TENM2: variants seen among roughly 807,000 people sequenced by gnomAD.
The protein encoded by TENM2 is teneurin-2.
Under a neutral mutation model 245.2 loss-of-function variants are expected in TENM2, and 52 were observed. The observed-to-expected ratio is 0.21, with a 90% CI of 0.17 to 0.27. The LOEUF (loss-of-function observed/expected upper bound fraction) is 0.27, where lower values mean the gene tolerates loss of function less well. Among genes scored for constraint, TENM2 ranks in the 10% least tolerant of loss-of-function variants. The pLI is 1.00. For missense variants in TENM2, 3,046 were observed against 3,666.8 expected (o/e 0.83, Z 4.37); for synonymous variants, 1,363 against 1,438.9 (o/e 0.95, Z 1.19).
chr5:168,179,027 TG>T (rs1301585013), intron 13 of TENM2, among the ~76,000 whole-genome samples: 1 of 150,558 alleles, frequency 6.6e-6, no homozygotes, highest in Non-Finnish European at 1.5e-5. Context: ...CCCAGCTACT[TG>T]GGAGGCTGAG....
intron 2 of TENM2, among the ~76,000 whole-genome samples, chr5:167,620,582 G>GCT (rs1404190033): frequency 8.8e-6 from 1 of 114,242 alleles, no homozygotes; most frequent in Non-Finnish European, 1.7e-5. Flanking sequence ...CAAGAACTGA[G>GCT]CTCAAAATGT....
intron 5 of TENM2, among the ~76,000 whole-genome samples, chr5:168,036,700 T>TATATAC (rs70976458): frequency 1.1e-5 from 1 of 94,914 alleles, no homozygotes; most frequent in Non-Finnish European, 1.9e-5. Context: ...TATATATATA[T>TATATAC]GTATGTGTAT....
intron 12 of TENM2, among the ~76,000 whole-genome samples, chr5:168,127,649 A>G (rs1365144470): frequency 6.6e-6 from 1 of 152,214 alleles, no homozygotes. Flanking sequence ...ATACTGGATT[A>G]AACGTACCTA....
At chr5:167,877,347 C>A (rs1773512544) in intron 3 of TENM2, among the ~76,000 whole-genome samples, 1 of 152,176 alleles carries the variant, frequency 6.6e-6, no homozygotes, top group Admixed American at 6.5e-5. Flanking sequence ...ATGGCCCATG[C>A]CCTTCTTCAT....
chr5:167,112,627 A>T, the TENM2 span, among the ~76,000 whole-genome samples: 1 of 152,266 alleles, frequency 6.6e-6, no homozygotes, highest in African/African-American at 2.4e-5. Context: ...TCAAAAAATT[A>T]TATGAGGCCT....
At chr5:167,992,918 TCTGA>T (rs1160803533) in intron 4 of TENM2, 22 bp from the exon 7 acceptor site, 1 of 1,594,964 alleles carries the variant, frequency 6.3e-7, no homozygotes, top group Non-Finnish European at 8.6e-7. Context: ...CCATGACCAC[TCTGA>T]CTCTTTCCCT....
At chr5:167,754,969 C>A in intron 2 of TENM2, 1 of 1,531,692 alleles carries the variant, frequency 6.5e-7, no homozygotes, top group South Asian at 1.2e-5. Flanking sequence ...AAGGCCTCAG[C>A]TGTGTCAGAC....
intron 2 of TENM2, among the ~76,000 whole-genome samples, chr5:167,539,669 C>G (rs928213711): frequency 6.6e-6 from 1 of 152,158 alleles, no homozygotes. Context: ...TGAAATATGA[C>G]ATCTCTGTAA....
At chr5:168,216,982 T>TA (rs1763253557) in intron 22 of TENM2, 60 bp downstream of exon 24, 1 of 1,580,124 alleles carries the variant, frequency 6.3e-7, no homozygotes, top group Admixed American at 1.8e-5. Flanking sequence ...CTGAGGTTCT[T>TA]ACCTGTTTCC....
chr5:167,297,843 T>C (rs113885100), intron 1 of TENM2, among the ~76,000 whole-genome samples: 10,798 of 151,686 alleles, frequency 0.071, 1,075 homozygotes, highest in East Asian at 0.21. Flanking sequence ...TCACAGGGTG[T>C]TCAGTAGGGG....
chr5:167,343,310 T>G (rs1370153415), intron 1 of TENM2, among the ~76,000 whole-genome samples: 1 of 152,202 alleles, frequency 6.6e-6, no homozygotes, highest in African/African-American at 2.4e-5. Flanking sequence ...CTTGAAAAAT[T>G]ATACTGGACA....
At chr5:167,475,699 C>T (rs569476258) in intron 2 of TENM2, among the ~76,000 whole-genome samples, 41 of 152,164 alleles carry the variant, frequency 2.7e-4, no homozygotes, top group African/African-American at 7.9e-4. Context: ...CTCCCTGTCC[C>T]CATATGTTCT....
chr5:167,000,599 G>A, the TENM2 span, among the ~76,000 whole-genome samples: 2 of 152,130 alleles, frequency 1.3e-5, no homozygotes, highest in African/African-American at 4.8e-5. Flanking sequence ...TGATTTTTGA[G>A]TGTATCATAT....
At chr5:167,367,634 T>C (rs1171745325) in intron 1 of TENM2, among the ~76,000 whole-genome samples, 2 of 152,114 alleles carry the variant, frequency 1.3e-5, no homozygotes, top group Non-Finnish European at 2.9e-5. Flanking sequence ...TGTAAATATG[T>C]AGGCTTTTAT....
chr5:167,269,324 A>G, the TENM2 span, among the ~76,000 whole-genome samples: 1 of 152,180 alleles, frequency 6.6e-6, no homozygotes, highest in South Asian at 2.1e-4. Context: ...GGCGCTCTTT[A>G]ATGCTGGGTT....
At chr5:167,394,889 G>A (rs1761966793) in intron 2 of TENM2, among the ~76,000 whole-genome samples, 1 of 152,110 alleles carries the variant, frequency 6.6e-6, no homozygotes, top group South Asian at 2.1e-4. Flanking sequence ...GAGCCATCAG[G>A]CCAGGCTGTA....
At chr5:167,733,342 C>T (rs1374526601) in intron 2 of TENM2, among the ~76,000 whole-genome samples, 1 of 151,248 alleles carries the variant, frequency 6.6e-6, no homozygotes, top group African/African-American at 2.4e-5. Flanking sequence ...TGTGGATCTG[C>T]TTGTAACATC....
At chr5:167,949,528 G>A (rs1779913543) in intron 3 of TENM2, among the ~76,000 whole-genome samples, 3 of 152,118 alleles carry the variant, frequency 2.0e-5, no homozygotes, top group African/African-American at 7.2e-5. Context: ...GGTTTTCGGG[G>A]ACTTGCCAAC....
At chr5:168,110,335 A>G (rs1162843013) in intron 9 of TENM2, among the ~76,000 whole-genome samples, 2 of 152,176 alleles carry the variant, frequency 1.3e-5, no homozygotes, top group African/African-American at 2.4e-5. Context: ...CTATCTAGTG[A>G]TGACTATGTG....
Sources: allele counts gnomAD v4.1 joint callset (sites outside exome capture counted in the v4.1 genomes callset), GRCh38; gene constraint gnomAD v4.1.1; transcripts MANE v1.5; gene names NCBI Gene and HGNC (gene_info 2026-07-23, HGNC 2026-07-21).